ETFBKMT: variants seen among roughly 807,000 people sequenced by gnomAD.
ETFBKMT encodes the protein electron transfer flavoprotein subunit beta lysine methyltransferase.
In ETFBKMT, 13 loss-of-function variants were observed where a neutral mutation model predicts 18.3. The ratio of observed to expected loss-of-function variants is 0.71; its 90% CI spans 0.46 to 1.13. The LOEUF (loss-of-function observed/expected upper bound fraction) is 1.13. Ranked by LOEUF, ETFBKMT falls within the 50% of genes most tolerant of loss-of-function variation. ETFBKMT has a pLI of 0.00. For synonymous variants in ETFBKMT, 84 were observed against 107.9 expected, an observed-to-expected ratio of 0.78 and a Z score of 1.37; for missense variants, 293 against 306.2, an observed-to-expected ratio of 0.96 and a Z score of 0.32.
rs527393391 is a variant in ETFBKMT, at chr12:31,664,224, C to T, written c.315-1863C>T. On this transcript the variant is annotated intron_variant, in intron 2 of 3. Transcript: ENST00000357721. ...ATTTCAGCGTTTCTCCATCCCTCTT[C>T]GCTTGTTTGGTAACTATTTAGCTCC... Among the ~76,000 whole-genome samples the T allele has an allele frequency of 2.6e-5, 4 of 151,988 alleles. No individual in the cohort carries two copies. In the South Asian group the frequency reaches 6.2e-4, roughly 24 times the overall value.
In ETFBKMT at chr12:31,669,883, G is replaced by C. The variant is rs1430154639; in HGVS notation, c.*1893G>C. 1.3e-5 allele frequency: 2 copies of C among 150,144 alleles called. No individual in the cohort carries two copies. Among genetic ancestry groups the C allele is most frequent in the Non-Finnish European group, 2.9e-5 (2 of 67,956 alleles). 9.3% of individuals were successfully genotyped at this position (150,144 alleles called of 1,614,324 possible). The stretch of plus-strand genomic sequence containing the variant: ...TGCCCAGGCTGGAGTGCAATGGCGT[G>C]ATCTTGGCTCACTGCAACCTCCACC... On this transcript the variant is annotated 3_prime_UTR_variant, in exon 4 of 4. Transcript: ENST00000357721.
At chr12:31,657,866 G>A (rs181442451), upstream of ETFBKMT, among the ~76,000 whole-genome samples, 9 of 151,906 alleles carry the variant, frequency 5.9e-5, no homozygotes, top group Non-Finnish European at 1.0e-4. Flanking sequence ...AGGAACCCAG[G>A]CAAGCCATTA....
In ETFBKMT at chr12:31,668,874, CGT is replaced by C. The variant is rs1336253135; in HGVS notation, c.*887_*888del. 1 of 152,156 alleles carries C rather than the reference CGT, an allele frequency of 6.6e-6. No homozygotes were observed. The highest frequency in any genetic ancestry group is 1.5e-5 in the Non-Finnish European group (1 of 68,028). The allele number at this position is 152,156 out of a possible 1,614,324, so 9.4% of individuals were successfully genotyped here. ...CTGCTTACGTCACCCATCATTCTTG[CGT>C]GTTGTATGCTTTTCGCATTAGAGCC... On this transcript the variant is annotated 3_prime_UTR_variant, in exon 4 of 4. Coordinates refer to ENST00000357721, the MANE Select transcript of ETFBKMT (RefSeq NM_001135863.2).
intron 1 of ETFBKMT, among the ~76,000 whole-genome samples, chr12:31,648,504 G>T (rs1416207886): frequency 6.6e-6 from 1 of 150,380 alleles, no homozygotes; most frequent in African/African-American, 2.5e-5. Flanking sequence ...CGGGATTATA[G>T]GCATGGACCA....
At chr12:31,655,963 A>G (rs1951058643), upstream of ETFBKMT, among the ~76,000 whole-genome samples, 1 of 152,244 alleles carries the variant, frequency 6.6e-6, no homozygotes, top group African/African-American at 2.4e-5. Context: ...GCCAATGTGA[A>G]GTCAAATATA....
intron 2 of ETFBKMT, among the ~76,000 whole-genome samples, chr12:31,665,241 C>G (rs915030303): frequency 6.6e-6 from 1 of 151,938 alleles, no homozygotes; most frequent in South Asian, 2.1e-4. Context: ...CAGCCTACAA[C>G]TTTTTTTTGA....
In ETFBKMT at chr12:31,667,871, T is replaced by G. The variant is rs201977098; in HGVS notation, c.670T>G (p.Phe224Val). The stretch of plus-strand genomic sequence containing the variant: ...GATTGGTGACCCTGGGCGGCCCCAG[T>G]TCAGTGGACACAGCATTCAGCATCA... ...VLIGDPGRPQ[F>V]SGHSIQHHLH... The change falls in exon 4 of 4, where the codon TTC becomes GTC. Residue 224 changes from phenylalanine to valine, a missense_variant. Transcript: ENST00000357721. 5.1e-5 allele frequency: 83 copies of G among 1,614,168 alleles called. No individual in the cohort carries two copies. The highest frequency in any genetic ancestry group is 6.5e-5 in the Non-Finnish European group (77 of 1,180,030).
chr12:31,659,284 C>G (rs573062527), upstream of ETFBKMT: 2 of 152,392 alleles, frequency 1.3e-5, no homozygotes, highest in East Asian at 1.9e-4. Context: ...AAATGTAAAG[C>G]ATGAGCGGGA....
intron 1 of ETFBKMT, among the ~76,000 whole-genome samples, chr12:31,648,230 G>A (rs1291481705): frequency 1.3e-5 from 2 of 152,132 alleles, no homozygotes; most frequent in Non-Finnish European, 2.9e-5. Flanking sequence ...GTATCCACAG[G>A]GGATTCGTTT....
intron 2 of ETFBKMT, among the ~76,000 whole-genome samples, chr12:31,664,020 C>T (rs949176345): frequency 2.6e-5 from 4 of 151,348 alleles, no homozygotes; most frequent in Non-Finnish European, 5.9e-5. Flanking sequence ...TGCTTACTGT[C>T]TTATTTCATA....
intron 3 of ETFBKMT, among the ~76,000 whole-genome samples, chr12:31,666,785 G>A (rs552938506): frequency 1.8e-3 from 273 of 151,490 alleles, no homozygotes; most frequent in Middle Eastern, 3.5e-3. Flanking sequence ...TGAGTAGCTG[G>A]GACTATAGGT....
At chr12:31,663,971 T>G (rs1054368743) in intron 2 of ETFBKMT, among the ~76,000 whole-genome samples, 6 of 151,888 alleles carry the variant, frequency 4.0e-5, no homozygotes, top group Non-Finnish European at 7.4e-5. Flanking sequence ...TTCCTTATCT[T>G]GCATGTTCTA....
chr12:31,656,636 G>T (rs1951064414), upstream of ETFBKMT, among the ~76,000 whole-genome samples: 1 of 152,162 alleles, frequency 6.6e-6, no homozygotes, highest in Non-Finnish European at 1.5e-5. Context: ...TATTTAATTA[G>T]TCTCCAAGTC....
At chr12:31,648,566 T>TC (rs1950987800) in intron 1 of ETFBKMT, among the ~76,000 whole-genome samples, 1 of 103,292 alleles carries the variant, frequency 9.7e-6, no homozygotes, top group African/African-American at 3.0e-5. Context: ...TCTTTTTTTT[T>TC]TTTTTTTTTT....
chr12:31,650,509 G>C (rs748933165), intron 1 of ETFBKMT, among the ~76,000 whole-genome samples: 1 of 151,902 alleles, frequency 6.6e-6, no homozygotes, highest in Non-Finnish European at 1.5e-5. Context: ...TTCACTTTAT[G>C]GACTTGCCCT....
chr12:31,661,211 G>A (rs1951118694), intron 1 of ETFBKMT, among the ~76,000 whole-genome samples: 1 of 152,160 alleles, frequency 6.6e-6, no homozygotes, highest in South Asian at 2.1e-4. Context: ...GTGGTATCCT[G>A]GAAGCAGGGG....
chr12:31,649,073 T>G (rs1950993500), intron 1 of ETFBKMT, among the ~76,000 whole-genome samples: 1 of 152,128 alleles, frequency 6.6e-6, no homozygotes. Flanking sequence ...TGCCTCAGCC[T>G]CCCAAGTAGC....
Position 31,668,192 on chromosome 12 carries a change from A to T in ETFBKMT, c.*202A>T, listed in dbSNP as rs1043200525. 2 of 505,580 alleles carry T rather than the reference A, an allele frequency of 4.0e-6. No individual in the cohort carries two copies. Among genetic ancestry groups the T allele is most frequent in the Non-Finnish European group, 6.9e-6 (2 of 289,652 alleles). The allele number at this position is 505,580 out of a possible 1,614,324, so 31.3% of individuals were successfully genotyped here. ...ATTTCTATGCATGCCAATTATACAC[A>T]TCTCTATCTGCATTTTTTTTTCTAT... On this transcript the variant is annotated 3_prime_UTR_variant, in exon 4 of 4. Transcript: ENST00000357721.
intron 1 of ETFBKMT, among the ~76,000 whole-genome samples, chr12:31,652,507 C>T (rs1951026631): frequency 6.6e-6 from 1 of 152,204 alleles, no homozygotes. Context: ...TGGCCATTTT[C>T]TTCAGGTCGT....
Sources: allele counts gnomAD v4.1 joint callset (sites outside exome capture counted in the v4.1 genomes callset), GRCh38; gene constraint gnomAD v4.1.1; transcripts MANE v1.5; gene names NCBI Gene and HGNC (gene_info 2026-07-23, HGNC 2026-07-21).